The following RIMS2 variants were observed in gnomAD, a reference collection of about 807,000 sequenced individuals.
RIMS2 encodes the protein regulating synaptic membrane exocytosis 2, also known as regulating synaptic membrane exocytosis protein 2.
RIMS2 carries 59 observed loss-of-function variants against 174.4 expected under a neutral mutation model. That is an observed-to-expected ratio of 0.34 (90% CI 0.27 to 0.42). RIMS2 has a LOEUF of 0.42. Ranked by LOEUF, RIMS2 falls within the 10% of genes least tolerant of loss-of-function variation. The pLI, the probability that RIMS2 is intolerant of heterozygous loss-of-function variation, is 1.00. For missense variants in RIMS2, 1,620 were observed against 1,666.3 expected (o/e 0.97, Z 0.48); for synonymous variants, 606 against 572.5 (o/e 1.06, Z -0.84).
chr8:103,630,574 C>T (rs2095888360), intron 1 of RIMS2, among the ~76,000 whole-genome samples: 1 of 131,384 alleles, frequency 7.6e-6, no homozygotes, highest in South Asian at 2.4e-4. Flanking sequence ...GAGCAAAACT[C>T]CATCTCAAAA....
intron 3 of RIMS2, among the ~76,000 whole-genome samples, chr8:103,792,887 A>C (rs908129302): frequency 6.6e-6 from 1 of 152,170 alleles, no homozygotes; most frequent in South Asian, 2.1e-4. Flanking sequence ...ACCAGGAAGA[A>C]GTTGAATCCC....
At chr8:103,707,801 G>A (rs900554592) in intron 2 of RIMS2, among the ~76,000 whole-genome samples, 1 of 152,210 alleles carries the variant, frequency 6.6e-6, no homozygotes, top group African/African-American at 2.4e-5. Flanking sequence ...TAAGGCTAAG[G>A]CCACTGTAGT....
intron 19 of RIMS2, among the ~76,000 whole-genome samples, chr8:104,176,176 G>A (rs7831777): frequency 0.034 from 5,139 of 152,108 alleles, 196 homozygotes; most frequent in East Asian, 0.14. Context: ...CCACATATCT[G>A]GCAATATGTG....
At chr8:103,547,009 C>G (rs1207634974) in intron 1 of RIMS2, among the ~76,000 whole-genome samples, 2 of 152,094 alleles carry the variant, frequency 1.3e-5, no homozygotes, top group Non-Finnish European at 2.9e-5. Context: ...GGGTGTCTTC[C>G]CCTTAGGCTT....
At chr8:103,760,591 G>A (rs2098100116) in intron 2 of RIMS2, among the ~76,000 whole-genome samples, 1 of 152,176 alleles carries the variant, frequency 6.6e-6, no homozygotes, top group South Asian at 2.1e-4. Context: ...ATGCTTTAGG[G>A]TAATGCTCTG....
At chr8:103,740,779 A>G (rs1360278596) in intron 2 of RIMS2, among the ~76,000 whole-genome samples, 2 of 152,174 alleles carry the variant, frequency 1.3e-5, no homozygotes, top group South Asian at 2.1e-4. Context: ...TATCCAGTGG[A>G]ATATAAATAG....
intron 19 of RIMS2, among the ~76,000 whole-genome samples, chr8:104,104,051 G>A (rs562242545): frequency 6.6e-6 from 1 of 152,140 alleles, no homozygotes; most frequent in South Asian, 2.1e-4. Flanking sequence ...AAACATAGCT[G>A]GATAAACTGG....
At chr8:104,170,349 CA>C (rs1256020979) in intron 19 of RIMS2, among the ~76,000 whole-genome samples, 2 of 151,968 alleles carry the variant, frequency 1.3e-5, no homozygotes, top group Non-Finnish European at 2.9e-5. Flanking sequence ...TTGGGATCTC[CA>C]GCATTAGGTG....
At chr8:104,165,575 A>G (rs977666806) in intron 19 of RIMS2, among the ~76,000 whole-genome samples, 10 of 151,878 alleles carry the variant, frequency 6.6e-5, no homozygotes, top group African/African-American at 2.4e-4. Flanking sequence ...ATGTAAATTC[A>G]TTTAGTTTTA....
At chr8:104,209,335 TCTCTAAGAC>T (rs1312629737) in intron 19 of RIMS2, among the ~76,000 whole-genome samples, 3 of 152,224 alleles carry the variant, frequency 2.0e-5, no homozygotes, top group Non-Finnish European at 4.4e-5. Flanking sequence ...GATCTTTTAA[TCTCTAAGAC>T]CTGTTATATT....
chr8:103,712,057 T>G (rs1178627633), intron 2 of RIMS2, among the ~76,000 whole-genome samples: 1 of 151,848 alleles, frequency 6.6e-6, no homozygotes. Context: ...AGAGGCACAA[T>G]CACAGCTCAC....
chr8:104,015,510 G>A (rs1771883491), intron 19 of RIMS2: 3 of 625,366 alleles, frequency 4.8e-6, no homozygotes, highest in Admixed American at 5.5e-5. Flanking sequence ...TGGGGGGCTA[G>A]TAAGCAAAAA....
At chr8:104,043,216 A>G (rs747291141) in intron 19 of RIMS2, among the ~76,000 whole-genome samples, 5 of 151,500 alleles carry the variant, frequency 3.3e-5, no homozygotes, top group Non-Finnish European at 7.4e-5. Context: ...AAATGAAGGT[A>G]GTTAATATAA....
chr8:103,915,499 T>G (rs2076484264), exon 7 of RIMS2: 3 of 1,586,766 alleles, frequency 1.9e-6, no homozygotes, highest in Non-Finnish European at 1.7e-6. Context: ...AAACAGGTTG[T>G]AGGAGGAAAG....
At chr8:103,551,598 A>C (rs1212887834) in intron 1 of RIMS2, among the ~76,000 whole-genome samples, 1 of 152,202 alleles carries the variant, frequency 6.6e-6, no homozygotes, top group African/African-American at 2.4e-5. Flanking sequence ...AGTTCTGGCC[A>C]GGGCAATCAG....
Position 103,795,977 on chromosome 8 carries a change from T to C in RIMS2, c.698+29440T>C, listed in dbSNP as rs987183236. 3.9e-5 allele frequency among the ~76,000 whole-genome samples: 6 copies of C among 152,328 alleles called. No individual in the cohort carries two copies. In the East Asian group the frequency reaches 9.6e-4, roughly 24 times the overall value. On this transcript the variant is annotated intron_variant, in intron 3 of 23. Transcript: ENST00000504942. ...TCCTTTGTCATCCCCTAGCCCATCT[T>C]ATTGCACCATCAATCATTCTTATGG...
At chr8:103,510,009 G>C (rs1825695769) in intron 1 of RIMS2, among the ~76,000 whole-genome samples, 1 of 152,088 alleles carries the variant, frequency 6.6e-6, no homozygotes, top group South Asian at 2.1e-4. Flanking sequence ...TACTTTGATA[G>C]GTTCTGCTAA....
intron 14 of RIMS2, among the ~76,000 whole-genome samples, chr8:103,952,019 C>T (rs1453905609): frequency 1.3e-5 from 2 of 152,210 alleles, no homozygotes; most frequent in Non-Finnish European, 2.9e-5. Context: ...CACCACAGCT[C>T]AGCAAGGCCA....
intron 10 of RIMS2, 84 bp downstream of exon 13, chr8:103,921,868 T>C: frequency 1.7e-6 from 1 of 600,932 alleles, no homozygotes; most frequent in Non-Finnish European, 3.0e-6. Context: ...ACAAACCAAG[T>C]TATTCCTAGA....
Sources: gnomAD v4.1 joint callset for allele counts (sites outside exome capture counted in the v4.1 genomes callset) on GRCh38, gnomAD v4.1.1 for gene constraint, MANE v1.5 for transcripts, NCBI Gene and HGNC (gene_info 2026-07-23, HGNC 2026-07-21) for gene names.